The following AGAP1 variants were observed in gnomAD, a reference collection of about 807,000 sequenced individuals.
AGAP1 encodes arf-GAP with GTPase, ANK repeat and PH domain-containing protein 1.
Under a neutral mutation model 105.3 loss-of-function variants are expected in AGAP1, and 29 were observed. The observed-to-expected ratio is 0.28, with a 90% CI of 0.21 to 0.38. The LOEUF (loss-of-function observed/expected upper bound fraction) is 0.38. Among genes scored for constraint, AGAP1 ranks in the 10% least tolerant of loss-of-function variants. The probability of loss-of-function intolerance (pLI) is 1.00; values close to 1 mark genes in which losing one functional copy is unlikely to be tolerated. For synonymous variants in AGAP1, 509 were observed against 485.9 expected, an observed-to-expected ratio of 1.05 and a Z score of -0.63; for missense variants, 998 against 1,165.1, an observed-to-expected ratio of 0.86 and a Z score of 2.09.
Position 235,573,008 on chromosome 2 carries a change from TC to T in AGAP1, c.163+78160del, listed in dbSNP as rs1397901512. Reference sequence around the variant, plus strand: ...TTCTTCTTCTTCTTCTTCTTCTTCTTCTTCTTCTTCTTCTTCTTCTTCTTCT... The same window carrying T: ...TTCTTCTTCTTCTTCTTCTTCTTCTTTTCTTCTTCTTCTTCTTCTTCTTCT... On this transcript the variant is annotated intron_variant, in intron 1 of 17. Transcript: ENST00000304032. Among the ~76,000 whole-genome samples, 11 of 24,212 alleles carry T rather than the reference TC, an allele frequency of 4.5e-4. 1 individual carries two copies. The South Asian group carries it at 0.022, about 48-fold the overall frequency. The allele number at this position is 24,212 out of a possible 152,430, so 15.9% of individuals were successfully genotyped here. A position where few individuals can be genotyped will look rare whatever the true frequency, so the allele number is the denominator to read the frequency against.
chr2:236,024,791 G>T (rs1448206811), intron 13 of AGAP1, among the ~76,000 whole-genome samples: 2 of 152,246 alleles, frequency 1.3e-5, no homozygotes, highest in African/African-American at 4.8e-5. Flanking sequence ...CACAATTAGT[G>T]TAATATCCGG....
chr2:236,057,472 T>C (rs1226100061), intron 16 of AGAP1, among the ~76,000 whole-genome samples: 1 of 152,206 alleles, frequency 6.6e-6, no homozygotes, highest in East Asian at 1.9e-4. Context: ...CCATCAGTGC[T>C]AATCCTAAGA....
At chr2:235,709,600 A>T (rs1284646627) in intron 2 of AGAP1, among the ~76,000 whole-genome samples, 1 of 151,606 alleles carries the variant, frequency 6.6e-6, no homozygotes, top group African/African-American at 2.4e-5. Context: ...CCACACACAC[A>T]CACCCCCATG....
At chr2:236,004,767 G>C (rs1374936535) in intron 13 of AGAP1, among the ~76,000 whole-genome samples, 2 of 152,190 alleles carry the variant, frequency 1.3e-5, no homozygotes, top group Non-Finnish European at 2.9e-5. Context: ...CAGTTTAGTA[G>C]CAAATGTGAC....
In AGAP1 at chr2:235,569,360, T is replaced by A. The variant is rs1045173672; in HGVS notation, c.163+74511T>A. Among the ~76,000 whole-genome samples the A allele has an allele frequency of 2.0e-5, 3 of 152,120 alleles. No homozygotes were observed. The highest frequency in any genetic ancestry group is 7.2e-5 in the African/African-American group (3 of 41,408). On this transcript the variant is annotated intron_variant, in intron 1 of 17. Coordinates refer to ENST00000304032, the MANE Select transcript of AGAP1 (RefSeq NM_001037131.3). The surrounding 1 kb of genome is among the most constrained non-coding windows in gnomAD (Gnocchi z 5.9). ...AAGTACATGACCCCGAGTGGGTGCC[T>A]CTCCTGGCCAGGTGTCCCCTTGTGT...
chr2:235,671,557 C>T (rs1559331765), intron 1 of AGAP1, among the ~76,000 whole-genome samples: 1 of 152,228 alleles, frequency 6.6e-6, no homozygotes, highest in Non-Finnish European at 1.5e-5. Context: ...GTGGACTCAG[C>T]TGACTCCGTG....
intron 16 of AGAP1, among the ~76,000 whole-genome samples, chr2:236,072,869 T>A (rs578193407): frequency 6.6e-6 from 1 of 152,356 alleles, no homozygotes; most frequent in African/African-American, 2.4e-5. Context: ...TTAAATTTTC[T>A]AGTAGCTGCA....
At position 235,951,502 on chromosome 2, in the gene AGAP1, C is replaced by T. The variant is rs929462335; in HGVS notation, c.1484-16960C>T. Among the ~76,000 whole-genome samples, 4 of 152,220 alleles carry T rather than the reference C, an allele frequency of 2.6e-5. No homozygotes were observed. The highest frequency in any genetic ancestry group is 1.3e-4 in the Admixed American group (2 of 15,296). On this transcript the variant is annotated intron_variant, in intron 12 of 17. Transcript: ENST00000304032. This position sits in a 1 kb window ranked among gnomAD's most constrained non-coding sequence, Gnocchi z 4.2. ...GATTTCCTCTGAACTTTGTTCTTCT[C>T]GTTATTTTTGGAATGATTGCAGGGT...
At chr2:235,873,880 C>T (rs1470943667) in intron 9 of AGAP1, among the ~76,000 whole-genome samples, 1 of 152,002 alleles carries the variant, frequency 6.6e-6, no homozygotes, top group Non-Finnish European at 1.5e-5. Flanking sequence ...GGTGCACACC[C>T]CCACACCCGG....
intron 1 of AGAP1, among the ~76,000 whole-genome samples, chr2:235,528,745 T>C (rs1174072208): frequency 6.6e-6 from 1 of 152,120 alleles, no homozygotes; most frequent in East Asian, 1.9e-4. Context: ...GGCGTGATCT[T>C]GGCTCACTGA....
chr2:235,904,974 T>C lies in AGAP1; in HGVS notation c.1156-3764T>C, dbSNP rs902785131. Among the ~76,000 whole-genome samples, 1 of 146,474 alleles carries C rather than the reference T, an allele frequency of 6.8e-6. No individual in the cohort carries two copies. The highest frequency in any genetic ancestry group is 6.8e-5 in the Admixed American group (1 of 14,668). On this transcript the variant is annotated intron_variant, in intron 10 of 17. Transcript: ENST00000304032. The surrounding 1 kb of genome is among the most constrained non-coding windows in gnomAD (Gnocchi z 4.2). ...CTATTTTAAATACCGATTTTATTTA[T>C]TTTTTTTTTTTAGAGCTAGTTCTTC...
At chr2:236,102,056 C>T (rs1368954814) in intron 16 of AGAP1, among the ~76,000 whole-genome samples, 8 of 151,968 alleles carry the variant, frequency 5.3e-5, no homozygotes, top group Admixed American at 2.0e-4. Context: ...CTGAGGCAGG[C>T]AGATCTCTTG....
In AGAP1 at chr2:236,104,205, G is replaced by C. The variant is rs956334958; in HGVS notation, c.2115-15987G>C. 6.6e-6 allele frequency among the ~76,000 whole-genome samples: 1 copy of C among 152,202 alleles called. No homozygotes were observed. On this transcript the variant is annotated intron_variant, in intron 16 of 17. Coordinates refer to ENST00000304032, the MANE Select transcript of AGAP1 (RefSeq NM_001037131.3). This position sits in a 1 kb window ranked among gnomAD's most constrained non-coding sequence, Gnocchi z 4.7. Reference sequence around the variant, plus strand: ...CTGAGGGCCCGCTCCAGCAGCCGGGGCGCTGGTAGGGCCAGGCCTGTTGGC... The same window carrying C: ...CTGAGGGCCCGCTCCAGCAGCCGGGCCGCTGGTAGGGCCAGGCCTGTTGGC...
intron 15 of AGAP1, among the ~76,000 whole-genome samples, chr2:236,048,522 CT>C (rs1202221032): frequency 6.6e-6 from 1 of 152,242 alleles, no homozygotes; most frequent in Non-Finnish European, 1.5e-5. Flanking sequence ...TATTTCTTCA[CT>C]GTAGTGTACC....
At chr2:236,052,668 GA>G (rs967387237) in intron 16 of AGAP1, among the ~76,000 whole-genome samples, 125 of 149,978 alleles carry the variant, frequency 8.3e-4, no homozygotes, top group African/African-American at 2.8e-3. Flanking sequence ...CTCCCAGGAA[GA>G]AAAAAAAAAT....
At chr2:236,010,489 CTT>C (rs1026275627) in intron 13 of AGAP1, among the ~76,000 whole-genome samples, 2 of 152,222 alleles carry the variant, frequency 1.3e-5, no homozygotes, top group Non-Finnish European at 2.9e-5. Flanking sequence ...ATCACACTTT[CTT>C]TTCTAAGTGC....
chr2:235,888,833 C>T lies in AGAP1; in HGVS notation c.1155+5384C>T. ...GCGTGCTCCCAGCAGTGCCAGCATC[C>T]TCATACCTTTGTTTGGGAAAGACAC... On this transcript the variant is annotated intron_variant, in intron 10 of 17. Transcript: ENST00000304032. The surrounding 1 kb of genome is among the most constrained non-coding windows in gnomAD (Gnocchi z 4.8). Among the ~76,000 whole-genome samples the T allele has an allele frequency of 6.6e-6, 1 of 152,210 alleles. No homozygotes were observed. The highest frequency in any genetic ancestry group is 1.5e-5 in the Non-Finnish European group (1 of 68,042).
chr2:235,862,536 A>ATGCCATC (rs2048970259), intron 9 of AGAP1, among the ~76,000 whole-genome samples: 1 of 152,228 alleles, frequency 6.6e-6, no homozygotes, highest in Non-Finnish European at 1.5e-5. Context: ...GGTGTTGCAG[A>ATGCCATC]TGCCATCTGC....
rs1216560775 is a variant in AGAP1, at chr2:235,559,762, T to A, written c.163+64913T>A. Among the ~76,000 whole-genome samples the A allele has an allele frequency of 6.6e-6, 1 of 152,140 alleles. No homozygotes were observed. On this transcript the variant is annotated intron_variant, in intron 1 of 17. Coordinates refer to ENST00000304032, the MANE Select transcript of AGAP1 (RefSeq NM_001037131.3). The surrounding 1 kb of genome is among the most constrained non-coding windows in gnomAD (Gnocchi z 5.7). Reference sequence around the variant, plus strand: ...TGACCTTTTTTTTTTTAAATATGCTTATCTTAAAGCATATTTATATATTTG... The same window carrying A: ...TGACCTTTTTTTTTTTAAATATGCTAATCTTAAAGCATATTTATATATTTG...
Sources: gnomAD v4.1 joint callset for allele counts (sites outside exome capture counted in the v4.1 genomes callset) on GRCh38, gnomAD v4.1.1 for gene constraint, Gnocchi (gnomAD v3.1) non-coding constraint, MANE v1.5 for transcripts, NCBI Gene and HGNC (gene_info 2026-07-23, HGNC 2026-07-21) for gene names.